Variants in WDR20 observed in about 807,000 individuals in gnomAD.
WDR20 encodes WD repeat-containing protein 20.
Under a neutral mutation model 38.7 loss-of-function variants are expected in WDR20, and 3 were observed. That is an observed-to-expected ratio of 0.08 (90% confidence interval 0.04 to 0.20). The LOEUF (loss-of-function observed/expected upper bound fraction) is 0.20. WDR20 is among the 10% of genes least tolerant of loss of function. The pLI, the probability that WDR20 is intolerant of heterozygous loss-of-function variation, is 1.00. For synonymous variants in WDR20, 298 were observed against 285.6 expected (o/e 1.04, Z -0.44); for missense variants, 559 against 727.7 (o/e 0.77, Z 2.67).
upstream of WDR20, chr14:102,139,763 G>A: frequency 9.1e-7 from 1 of 1,104,696 alleles, no homozygotes; most frequent in South Asian, 1.5e-5. Flanking sequence ...CCGTAAACAA[G>A]CCCACCCCTT....
At chr14:102,202,571 A>G (rs148937458) in intron 2 of WDR20, among the ~76,000 whole-genome samples, 3,736 of 151,624 alleles carry the variant, frequency 0.025, 68 homozygotes, top group African/African-American at 0.051. Context: ...TAGTAGAGAC[A>G]GGGTTTCACC....
chr14:102,208,185 ACT>A lies in WDR20; in HGVS notation c.433-416_433-415del, dbSNP rs2061903103. On this transcript the variant is annotated intron_variant, in intron 2 of 2. Coordinates refer to ENST00000342702, the MANE Select transcript of WDR20 (RefSeq NM_144574.4). This position sits in a 1 kb window ranked among gnomAD's most constrained non-coding sequence, Gnocchi z 5.6. ...AGGCAGAGCCCTCCTGGCTGTGAGG[ACT>A]CACAGGCTTCACCTGCAGGTCCTCG... Among the ~76,000 whole-genome samples the A allele has an allele frequency of 6.6e-6, 1 of 152,206 alleles. No individual in the cohort carries two copies. Among genetic ancestry groups the A allele is most frequent in the Admixed American group, 6.5e-5 (1 of 15,286 alleles).
intron 1 of WDR20, among the ~76,000 whole-genome samples, chr14:102,181,104 A>T (rs532872491): frequency 1.4e-4 from 22 of 152,148 alleles, no homozygotes; most frequent in Non-Finnish European, 2.8e-4. Flanking sequence ...TCTCCTGAAG[A>T]AGGCTGGCAG....
At position 102,222,960 on chromosome 14, in the gene WDR20, T is replaced by C. The variant is rs1284129671; in HGVS notation, c.*77T>C. On this transcript the variant is annotated 3_prime_UTR_variant, in exon 4 of 4. Transcript: ENST00000335263. The surrounding 1 kb of genome is among the most constrained non-coding windows in gnomAD (Gnocchi z 4.4). ...ACGAGGAGGAGCTCCGAGCTGCGCC[T>C]GAGCCGTGCCAGCCGGCGGACCTCA... The C allele has an allele frequency of 6.3e-7, 1 of 1,577,480 alleles. No homozygotes were observed. The highest frequency in any genetic ancestry group is 1.3e-5 in the African/African-American group (1 of 74,280).
intron 2 of WDR20, among the ~76,000 whole-genome samples, chr14:102,201,595 T>G (rs2152975725): frequency 6.6e-6 from 1 of 152,244 alleles, no homozygotes; most frequent in East Asian, 1.9e-4. Flanking sequence ...CTGTTTGGCC[T>G]GCAGAGCTGG....
At chr14:102,218,558 T>C (rs116299986), downstream of WDR20, among the ~76,000 whole-genome samples, 416 of 152,340 alleles carry the variant, frequency 2.7e-3, 2 homozygotes, top group African/African-American at 9.6e-3. Flanking sequence ...CAAAATATTT[T>C]TCATATATAT....
At chr14:102,168,441 T>C (rs2060185139) in intron 1 of WDR20, among the ~76,000 whole-genome samples, 2 of 152,134 alleles carry the variant, frequency 1.3e-5, no homozygotes, top group East Asian at 1.9e-4. Flanking sequence ...TGTTCAGTTA[T>C]ATATTTTAAG....
intron 1 of WDR20, among the ~76,000 whole-genome samples, chr14:102,161,133 TATATA>T: frequency 9.6e-5 from 1 of 10,444 alleles, no homozygotes; most frequent in African/African-American, 3.0e-4. Context: ...TATATATATA[TATATA>T]TATATTTTTT....
intron 2 of WDR20, among the ~76,000 whole-genome samples, chr14:102,196,719 C>G (rs985563951): frequency 6.6e-6 from 1 of 152,196 alleles, no homozygotes; most frequent in Non-Finnish European, 1.5e-5. Flanking sequence ...AGCACTCAGG[C>G]TGCATTGGCC....
chr14:102,218,488 G>A (rs1288426270), downstream of WDR20, among the ~76,000 whole-genome samples: 8 of 152,214 alleles, frequency 5.3e-5, no homozygotes, highest in Admixed American at 3.9e-4. Flanking sequence ...TCTCCAGTCC[G>A]AGCAGCACCT....
chr14:102,156,452 G>A (rs564622757), intron 1 of WDR20, among the ~76,000 whole-genome samples: 5 of 152,226 alleles, frequency 3.3e-5, no homozygotes, highest in Admixed American at 2.6e-4. Context: ...GCAGGCGTGA[G>A]CCACTGCGCC....
Position 102,210,521 on chromosome 14 carries a change from C to G in WDR20, c.*641C>G, listed in dbSNP as rs1396378681. ...AAGTTGTTTAATAAACATCTTTTTT[C>G]AAAGAAGCAGTTTGTAGCACTTTGA... On this transcript the variant is annotated 3_prime_UTR_variant, in exon 3 of 3. Coordinates refer to ENST00000342702, the MANE Select transcript of WDR20 (RefSeq NM_144574.4). 34 of 985,186 alleles carry G rather than the reference C, an allele frequency of 3.5e-5. No homozygotes were observed. Among genetic ancestry groups the G allele is most frequent in the Non-Finnish European group, 4.0e-5 (33 of 829,864 alleles). 61.0% of individuals were successfully genotyped at this position (985,186 alleles called of 1,614,324 possible). A position where few individuals can be genotyped will look rare whatever the true frequency, so the allele number is the denominator to read the frequency against.
intron 1 of WDR20, among the ~76,000 whole-genome samples, chr14:102,187,748 TA>T (rs529906646): frequency 5.2e-4 from 79 of 152,300 alleles, no homozygotes; most frequent in Non-Finnish European, 7.6e-4. Flanking sequence ...GAGGCTGAGC[TA>T]AGCTGGGGAA....
chr14:102,140,729 T>A (rs2050711054), intron 1 of WDR20, among the ~76,000 whole-genome samples: 2 of 152,208 alleles, frequency 1.3e-5, no homozygotes, highest in Admixed American at 1.3e-4. Flanking sequence ...GAGCCTCTCC[T>A]GGTGTTAACA....
chr14:102,148,271 C>T (rs1283105604), intron 1 of WDR20, among the ~76,000 whole-genome samples: 1 of 152,096 alleles, frequency 6.6e-6, no homozygotes, highest in Non-Finnish European at 1.5e-5. Flanking sequence ...TGACAAGTTA[C>T]CTTGGCTCTT....
chr14:102,203,481 C>G (rs1171215315), intron 2 of WDR20, among the ~76,000 whole-genome samples: 1 of 152,152 alleles, frequency 6.6e-6, no homozygotes, highest in Non-Finnish European at 1.5e-5. Context: ...AGGGTCCCAG[C>G]CGAAGCCCTT....
At chr14:102,139,718 G>GGAGCACGCCAGGT (rs1393394243), upstream of WDR20, 5 of 766,854 alleles carry the variant, frequency 6.5e-6, no homozygotes, top group African/African-American at 3.5e-5. Flanking sequence ...CCAGTCGGGT[G>GGAGCACGCCAGGT]GAGCACGCCA....
At chr14:102,147,367 C>T (rs2054016647) in intron 1 of WDR20, among the ~76,000 whole-genome samples, 2 of 152,136 alleles carry the variant, frequency 1.3e-5, no homozygotes, top group South Asian at 2.1e-4. Context: ...CCAGCCTGGG[C>T]AACAAAGCGA....
chr14:102,153,307 C>CCT (rs2056542082), intron 1 of WDR20, among the ~76,000 whole-genome samples: 1 of 128,206 alleles, frequency 7.8e-6, no homozygotes, highest in Admixed American at 8.6e-5. Flanking sequence ...AAACCTCTTT[C>CCT]TTTTTTTTTT....
Sources: gnomAD v4.1 joint callset for allele counts (sites outside exome capture counted in the v4.1 genomes callset) on GRCh38, gnomAD v4.1.1 for gene constraint, Gnocchi (gnomAD v3.1) non-coding constraint, MANE v1.5 for transcripts, NCBI Gene and HGNC (gene_info 2026-07-23, HGNC 2026-07-21) for gene names.